Variants in PCDH7 observed in about 807,000 individuals in gnomAD.
The protein encoded by PCDH7 is protocadherin-7.
Under a neutral mutation model 58.9 loss-of-function variants are expected in PCDH7, and 17 were observed. The observed-to-expected ratio is 0.29, with a 90% confidence interval of 0.20 to 0.43. PCDH7 has a LOEUF of 0.43. Ranked by LOEUF, PCDH7 falls within the 20% of genes least tolerant of loss-of-function variation. PCDH7 has a pLI of 1.00. For synonymous variants in PCDH7, 664 were observed against 616.4 expected (o/e 1.08, Z -1.14); for missense variants, 1,274 against 1,441.0 (o/e 0.88, Z 1.88).
intron 3 of PCDH7, among the ~76,000 whole-genome samples, chr4:31,078,600 G>A (rs1759205522): frequency 6.8e-6 from 1 of 146,226 alleles, no homozygotes; most frequent in Non-Finnish European, 1.5e-5. Flanking sequence ...AAAGGGCTGG[G>A]ATCATAGGCA....
At chr4:31,048,606 C>G (rs1035351193) in intron 3 of PCDH7, among the ~76,000 whole-genome samples, 6 of 151,966 alleles carry the variant, frequency 3.9e-5, no homozygotes, top group Non-Finnish European at 7.4e-5. Context: ...ATATGGGATG[C>G]CCACAAAAGT....
chr4:31,062,008 G>A (rs73218811), intron 3 of PCDH7, among the ~76,000 whole-genome samples: 18,296 of 151,604 alleles, frequency 0.12, 1,345 homozygotes, highest in East Asian at 0.26. Flanking sequence ...GCAAATGGAA[G>A]TAGAACCATA....
At chr4:31,089,418 T>C (rs1166657027) in intron 3 of PCDH7, among the ~76,000 whole-genome samples, 5 of 152,022 alleles carry the variant, frequency 3.3e-5, no homozygotes, top group African/African-American at 1.2e-4. Flanking sequence ...CAAGAAAATT[T>C]TTTTCTTATT....
At chr4:30,927,780 C>T (rs960661836) in intron 2 of PCDH7, among the ~76,000 whole-genome samples, 1 of 151,886 alleles carries the variant, frequency 6.6e-6, no homozygotes, top group African/African-American at 2.4e-5. Context: ...TGTTTATCTG[C>T]TGACCTTCCC....
chr4:31,039,879 C>A (rs73216796), intron 3 of PCDH7, among the ~76,000 whole-genome samples: 1 of 151,902 alleles, frequency 6.6e-6, no homozygotes, highest in Admixed American at 6.6e-5. Context: ...TAATTAATAC[C>A]AAGCCAATAG....
At chr4:31,134,704 T>A (rs1719386611) in intron 3 of PCDH7, among the ~76,000 whole-genome samples, 1 of 152,168 alleles carries the variant, frequency 6.6e-6, no homozygotes, top group Non-Finnish European at 1.5e-5. Flanking sequence ...ACATGGTTTT[T>A]CATGTTCTGC....
chr4:30,768,408 A>G (rs1000299835), intron 1 of PCDH7, among the ~76,000 whole-genome samples: 7 of 150,296 alleles, frequency 4.7e-5, no homozygotes, highest in African/African-American at 1.7e-4. Flanking sequence ...AGTAGAAAGA[A>G]GGTCGAGTGG....
At chr4:31,033,035 A>G (rs1007384544) in intron 3 of PCDH7, among the ~76,000 whole-genome samples, 2 of 152,100 alleles carry the variant, frequency 1.3e-5, no homozygotes, top group African/African-American at 4.8e-5. Context: ...GACAGGAATC[A>G]TAGTGTGTTG....
At chr4:31,123,913 G>A (rs565189924) in intron 3 of PCDH7, among the ~76,000 whole-genome samples, 1 of 152,032 alleles carries the variant, frequency 6.6e-6, no homozygotes, top group Non-Finnish European at 1.5e-5. Context: ...ATCCCCAGCC[G>A]AACTTCTCTC....
chr4:30,893,561 C>T lies in PCDH7; in HGVS notation c.71-26592C>T, dbSNP rs547083497. ...GAAGTTTAGCACATATTCAAGTTTG[C>T]AGGTATATGAGCTAATACTTCTGCA... is the stretch of plus-strand genomic sequence containing the variant. On this transcript the variant is annotated intron_variant, in intron 1 of 3. Coordinates refer to the PCDH7 transcript ENST00000509759. Among the ~76,000 whole-genome samples, 146 of 152,158 alleles carry T rather than the reference C, an allele frequency of 9.6e-4. 2 individuals carry two copies. In the South Asian group the frequency reaches 0.011, roughly 11 times the overall value.
At chr4:31,015,753 C>A (rs188773706) in intron 3 of PCDH7, among the ~76,000 whole-genome samples, 1 of 152,080 alleles carries the variant, frequency 6.6e-6, no homozygotes. Flanking sequence ...AAGGTAGTGA[C>A]AATGTTTGTT....
At chr4:31,007,604 T>C (rs1406393816) in intron 3 of PCDH7, among the ~76,000 whole-genome samples, 4 of 151,230 alleles carry the variant, frequency 2.6e-5, no homozygotes, top group Non-Finnish European at 4.4e-5. Flanking sequence ...TTTTTTTAAA[T>C]ATGTGGATGC....
At chr4:30,886,746 G>A (rs1281675726) in intron 1 of PCDH7, among the ~76,000 whole-genome samples, 2 of 151,516 alleles carry the variant, frequency 1.3e-5, no homozygotes, top group Non-Finnish European at 2.9e-5. Context: ...ATGATAGACT[G>A]GATTAAGAAA....
intron 1 of PCDH7, among the ~76,000 whole-genome samples, chr4:30,797,845 A>G (rs1174061713): frequency 6.6e-6 from 1 of 152,230 alleles, no homozygotes; most frequent in East Asian, 1.9e-4. Context: ...CCTACAATAT[A>G]CTAGATGTTG....
At chr4:30,840,955 A>G (rs780774114) in intron 1 of PCDH7, among the ~76,000 whole-genome samples, 15 of 152,042 alleles carry the variant, frequency 9.9e-5, no homozygotes, top group Non-Finnish European at 2.1e-4. Flanking sequence ...TGCCATGCAT[A>G]AGGACCCAGT....
intron 3 of PCDH7, among the ~76,000 whole-genome samples, chr4:31,016,071 G>A (rs985052876): frequency 1.4e-4 from 21 of 152,214 alleles, no homozygotes; most frequent in African/African-American, 5.1e-4. Context: ...ATCACTCCAG[G>A]CCAACATTCC....
intron 3 of PCDH7, among the ~76,000 whole-genome samples, chr4:30,973,893 C>T (rs1749818580): frequency 6.6e-6 from 1 of 151,998 alleles, no homozygotes; most frequent in Non-Finnish European, 1.5e-5. Flanking sequence ...GAAGATGGTG[C>T]TGCTTGAATT....
At chr4:30,811,340 C>T (rs1726976132) in intron 1 of PCDH7, among the ~76,000 whole-genome samples, 1 of 152,174 alleles carries the variant, frequency 6.6e-6, no homozygotes. Flanking sequence ...GGCCTTGACC[C>T]TTTTGTGGAG....
In PCDH7 at chr4:30,816,830, T is replaced by C. The variant is rs539720227; in HGVS notation, c.70+92234T>C. Among the ~76,000 whole-genome samples the C allele has an allele frequency of 2.6e-5, 4 of 152,246 alleles. No homozygotes were observed. In the South Asian group the frequency reaches 6.2e-4, roughly 24 times the overall value. On this transcript the variant is annotated intron_variant, in intron 1 of 3. Transcript: ENST00000509759. ...TCCATGGGATATTTATCAGAAAGAA[T>C]AGGGAAAAGGGGCATTTTTTGGATT...
Sources: allele counts gnomAD v4.1 joint callset (sites outside exome capture counted in the v4.1 genomes callset), GRCh38; gene constraint gnomAD v4.1.1; transcripts MANE v1.5; gene names NCBI Gene and HGNC (gene_info 2026-07-23, HGNC 2026-07-21).